The following SEMA3E variants were observed in gnomAD, a reference collection of about 807,000 sequenced individuals.
SEMA3E encodes the protein semaphorin 3E, also known as semaphorin-3E.
A neutral mutation model predicts 93.6 loss-of-function variants in SEMA3E; 49 were observed. The observed-to-expected ratio is 0.52, with a 90% confidence interval of 0.42 to 0.66. The LOEUF is 0.66. Among genes scored for constraint, SEMA3E ranks in the 30% least tolerant of loss-of-function variants. The pLI, the probability that SEMA3E is intolerant of heterozygous loss-of-function variation, is 0.00. For missense variants in SEMA3E, 906 were observed against 964.8 expected (o/e 0.94, Z 0.81); for synonymous variants, 363 against 330.7 (o/e 1.10, Z -1.06).
chr7:83,592,506 G>A (rs1191787205), intron 1 of SEMA3E, among the ~76,000 whole-genome samples: 2 of 152,036 alleles, frequency 1.3e-5, no homozygotes, highest in Non-Finnish European at 2.9e-5. Flanking sequence ...CTTAGATTAA[G>A]CTAAAAGACC....
chr7:83,496,062 A>G (rs1482803661), intron 1 of SEMA3E, among the ~76,000 whole-genome samples: 2 of 151,978 alleles, frequency 1.3e-5, no homozygotes, highest in Admixed American at 6.6e-5. Flanking sequence ...TCTAAGGGCT[A>G]GACAATTTTA....
At chr7:83,565,995 CTTTT>C (rs750248438) in intron 1 of SEMA3E, among the ~76,000 whole-genome samples, 2 of 112,738 alleles carry the variant, frequency 1.8e-5, no homozygotes, top group Non-Finnish European at 3.4e-5. Context: ...TGTTTCCACT[CTTTT>C]TTTTTTTTTT....
At chr7:83,624,631 G>C (rs554475852) in intron 1 of SEMA3E, among the ~76,000 whole-genome samples, 1 of 152,198 alleles carries the variant, frequency 6.6e-6, no homozygotes, top group African/African-American at 2.4e-5. Flanking sequence ...TTAGCCCTTT[G>C]TCAGATGGAA....
chr7:83,642,387 T>C (rs1327825918), intron 1 of SEMA3E, among the ~76,000 whole-genome samples: 1 of 152,140 alleles, frequency 6.6e-6, no homozygotes, highest in South Asian at 2.1e-4. Flanking sequence ...AGGAAAGATA[T>C]CAATTCTGCA....
chr7:83,376,124 G>T (rs1794819017), intron 16 of SEMA3E, among the ~76,000 whole-genome samples: 1 of 151,986 alleles, frequency 6.6e-6, no homozygotes, highest in Non-Finnish European at 1.5e-5. Context: ...TTCAAATGAG[G>T]CAAGAGTTCA....
intron 4 of SEMA3E, among the ~76,000 whole-genome samples, chr7:83,465,257 G>A (rs928669675): frequency 3.3e-5 from 5 of 151,128 alleles, no homozygotes; most frequent in African/African-American, 4.9e-5. Flanking sequence ...CCTGTAAAAC[G>A]GCCCCACCCT....
intron 1 of SEMA3E, among the ~76,000 whole-genome samples, chr7:83,553,765 A>C (rs1460124829): frequency 6.6e-6 from 1 of 152,130 alleles, no homozygotes; most frequent in Non-Finnish European, 1.5e-5. Flanking sequence ...CACATAGACA[A>C]AGTTGTCAAT....
intron 4 of SEMA3E, among the ~76,000 whole-genome samples, chr7:83,422,803 T>C (rs903086134): frequency 1.6e-4 from 24 of 152,334 alleles, no homozygotes; most frequent in African/African-American, 5.8e-4. Flanking sequence ...ATTCAAATAA[T>C]TTTAATACAT....
chr7:83,463,145 G>A (rs1789666741), intron 4 of SEMA3E, among the ~76,000 whole-genome samples: 2 of 140,052 alleles, frequency 1.4e-5, no homozygotes, highest in South Asian at 5.0e-4. Flanking sequence ...GTGTCCGACT[G>A]ATCTCTCAAA....
intron 1 of SEMA3E, among the ~76,000 whole-genome samples, chr7:83,615,829 C>G (rs1793354586): frequency 6.6e-6 from 1 of 152,136 alleles, no homozygotes; most frequent in African/African-American, 2.4e-5. Flanking sequence ...ATGTTTTCAG[C>G]AAGCATTGTT....
At chr7:83,476,595 C>T (rs994435608) in intron 2 of SEMA3E, among the ~76,000 whole-genome samples, 1 of 152,152 alleles carries the variant, frequency 6.6e-6, no homozygotes, top group Non-Finnish European at 1.5e-5. Context: ...CAAACGTTAA[C>T]TCAGGTGACA....
At chr7:83,369,400 T>G (rs1794720671) in intron 16 of SEMA3E, among the ~76,000 whole-genome samples, 1 of 152,166 alleles carries the variant, frequency 6.6e-6, no homozygotes, top group South Asian at 2.1e-4. Context: ...AACCACGATT[T>G]GTGGAACAGA....
intron 1 of SEMA3E, among the ~76,000 whole-genome samples, chr7:83,627,999 T>A (rs912906661): frequency 6.6e-6 from 1 of 152,178 alleles, no homozygotes; most frequent in African/African-American, 2.4e-5. Context: ...GGAGCTCTTG[T>A]AAGGCAGGCC....
At chr7:83,609,145 A>G (rs1793193187) in intron 1 of SEMA3E, among the ~76,000 whole-genome samples, 1 of 152,076 alleles carries the variant, frequency 6.6e-6, no homozygotes. Context: ...TGTATATTTT[A>G]TCATATAGCA....
chr7:83,504,135 G>A (rs978124171), intron 1 of SEMA3E, among the ~76,000 whole-genome samples: 4 of 152,106 alleles, frequency 2.6e-5, no homozygotes, highest in African/African-American at 9.7e-5. Flanking sequence ...GTAGTTTTCA[G>A]ACTGACATAT....
chr7:83,592,672 G>A (rs923634630), intron 1 of SEMA3E, among the ~76,000 whole-genome samples: 7 of 152,202 alleles, frequency 4.6e-5, no homozygotes, highest in Non-Finnish European at 1.0e-4. Context: ...TTAATACGTT[G>A]GTTTGGTATG....
chr7:83,527,985 C>G (rs1282729229), intron 1 of SEMA3E, among the ~76,000 whole-genome samples: 1 of 151,926 alleles, frequency 6.6e-6, no homozygotes, highest in Non-Finnish European at 1.5e-5. Flanking sequence ...TAAACAAAAA[C>G]GTTATAACCC....
chr7:83,612,819 C>A (rs1793291540), intron 1 of SEMA3E, among the ~76,000 whole-genome samples: 2 of 152,106 alleles, frequency 1.3e-5, no homozygotes, highest in African/African-American at 4.8e-5. Flanking sequence ...CCAATAAGAT[C>A]TCTTCATCTT....
At chr7:83,578,676 A>T (rs1792458382) in intron 1 of SEMA3E, among the ~76,000 whole-genome samples, 1 of 152,202 alleles carries the variant, frequency 6.6e-6, no homozygotes, top group African/African-American at 2.4e-5. Flanking sequence ...TATAAAAAAA[A>T]GAAGGTAGAA....
Sources: gnomAD v4.1 joint callset for allele counts (sites outside exome capture counted in the v4.1 genomes callset) on GRCh38, gnomAD v4.1.1 for gene constraint, MANE v1.5 for transcripts, NCBI Gene and HGNC (gene_info 2026-07-23, HGNC 2026-07-21) for gene names.